The following CADPS variants were observed in gnomAD, a reference collection of about 807,000 sequenced individuals.
The protein encoded by CADPS is calcium dependent secretion activator.
In CADPS, 57 loss-of-function variants were observed where a neutral mutation model predicts 167.3. The observed-to-expected ratio is 0.34, with a 90% CI of 0.28 to 0.42. The LOEUF (loss-of-function observed/expected upper bound fraction) is 0.42, where lower values mean the gene tolerates loss of function less well. Among genes scored for constraint, CADPS ranks in the 20% least tolerant of loss-of-function variants. The pLI is 1.00. For synonymous variants in CADPS, 676 were observed against 635.3 expected (o/e 1.06, Z -0.96); for missense variants, 1,414 against 1,738.1 (o/e 0.81, Z 3.32).
rs529175109 is a variant in CADPS at position 62,775,140 on chromosome 3, C to G, written c.442-9156G>C. ...GCAACCTCTGCCTCCCAGGTTCAAG[C>G]GATTCTCATACTTTAGCCTCCCAAG... On this transcript the variant is annotated intron_variant, in intron 1 of 29. Coordinates refer to ENST00000383710, the MANE Select transcript of CADPS (RefSeq NM_003716.4). 3.3e-5 allele frequency among the ~76,000 whole-genome samples: 5 copies of G among 152,006 alleles called. No individual in the cohort carries two copies. In the East Asian group the frequency reaches 9.7e-4, roughly 29 times the overall value.
chr3:62,424,538 T>C (rs917181036), intron 28 of CADPS, among the ~76,000 whole-genome samples: 6 of 152,140 alleles, frequency 3.9e-5, no homozygotes, highest in African/African-American at 1.2e-4. Flanking sequence ...TGGGGTTAAG[T>C]AGTGTGAAGC....
chr3:62,630,300 A>T (rs561728874), intron 6 of CADPS, among the ~76,000 whole-genome samples: 1 of 152,172 alleles, frequency 6.6e-6, no homozygotes, highest in African/African-American at 2.4e-5. Context: ...GGTTGAATTG[A>T]TAATATATTT....
At chr3:62,806,388 C>T (rs968906686) in intron 1 of CADPS, among the ~76,000 whole-genome samples, 3 of 147,620 alleles carry the variant, frequency 2.0e-5, no homozygotes, top group African/African-American at 7.5e-5. Flanking sequence ...AAAAATTAGC[C>T]GGGTGTGGTG....
chr3:62,510,523 T>C (rs776570440), intron 17 of CADPS, among the ~76,000 whole-genome samples: 1 of 152,186 alleles, frequency 6.6e-6, no homozygotes, highest in Non-Finnish European at 1.5e-5. Context: ...AGCTTTTCTT[T>C]CATAGACTAG....
chr3:62,575,671 A>G lies in CADPS; in HGVS notation c.1578-4733T>C, dbSNP rs145959344. ...GACACAGCCAGAAATTAAACTCAAA[A>G]CAGCCTAACTCTAAAGCACCCTCTT... On this transcript the variant is annotated intron_variant, in intron 8 of 29. Coordinates refer to ENST00000383710, the MANE Select transcript of CADPS (RefSeq NM_003716.4). Among the ~76,000 whole-genome samples the G allele has an allele frequency of 7.2e-5, 11 of 152,276 alleles. No homozygotes were observed. The East Asian group carries it at 2.1e-3, about 29-fold the overall frequency.
rs9881464 is a variant in CADPS, at chr3:62,601,824, A to G, written c.1326-9076T>C. ...TTCTCCAAACCTGTTCCACAGTACCACCACTTTGAAAGTGAACACTTTGAT... is the reference window on the plus strand; with the variant it reads ...TTCTCCAAACCTGTTCCACAGTACCGCCACTTTGAAAGTGAACACTTTGAT... On this transcript the variant is annotated intron_variant, in intron 6 of 29. Transcript: ENST00000383710. The surrounding 1 kb of genome is among the most constrained non-coding windows in gnomAD (Gnocchi z 4.3). 0.088 allele frequency among the ~76,000 whole-genome samples: 13,355 copies of G among 152,172 alleles called. 1,916 individuals are homozygous for G. Among genetic ancestry groups the G allele is most frequent in the African/African-American group, 0.3 (12,551 of 41,460 alleles).
intron 26 of CADPS, among the ~76,000 whole-genome samples, chr3:62,448,461 A>C (rs1292605713): frequency 2.0e-5 from 3 of 152,130 alleles, no homozygotes; most frequent in Non-Finnish European, 4.4e-5. Flanking sequence ...TCGGTTTGTT[A>C]GGATTGTTCT....
intron 8 of CADPS, among the ~76,000 whole-genome samples, chr3:62,575,061 T>G (rs2082017466): frequency 6.6e-6 from 1 of 152,192 alleles, no homozygotes; most frequent in South Asian, 2.1e-4. Context: ...CTCACACTTT[T>G]CTGGAATTAT....
chr3:62,519,024 G>A (rs1444564823), intron 13 of CADPS, among the ~76,000 whole-genome samples: 1 of 151,874 alleles, frequency 6.6e-6, no homozygotes, highest in Non-Finnish European at 1.5e-5. Flanking sequence ...TCATCTTTAG[G>A]TGCATACATA....
At chr3:62,846,382 G>T (rs1474982561) in intron 1 of CADPS, among the ~76,000 whole-genome samples, 1 of 152,126 alleles carries the variant, frequency 6.6e-6, no homozygotes, top group Non-Finnish European at 1.5e-5. Context: ...CTCTTTTTAT[G>T]ATGTCACTGA....
chr3:62,732,078 T>C (rs968345706), intron 3 of CADPS, among the ~76,000 whole-genome samples: 1 of 152,100 alleles, frequency 6.6e-6, no homozygotes, highest in African/African-American at 2.4e-5. Flanking sequence ...AACTTCCTCA[T>C]AGTCTTGTGA....
At chr3:62,748,702 T>C (rs2082069391) in intron 3 of CADPS, among the ~76,000 whole-genome samples, 1 of 152,176 alleles carries the variant, frequency 6.6e-6, no homozygotes, top group African/African-American at 2.4e-5. Context: ...TATTCTCAAA[T>C]TATCTCACTT....
At chr3:62,724,480 CCTA>C (rs2076383488) in intron 3 of CADPS, among the ~76,000 whole-genome samples, 1 of 152,102 alleles carries the variant, frequency 6.6e-6, no homozygotes, top group South Asian at 2.1e-4. Context: ...TAAAAAAATT[CCTA>C]CTATTTACTA....
chr3:62,406,007 G>C (rs1177031357), intron 28 of CADPS, among the ~76,000 whole-genome samples: 1 of 152,104 alleles, frequency 6.6e-6, no homozygotes, highest in African/African-American at 2.4e-5. Flanking sequence ...GAGGTGAAGT[G>C]ACTTGCCAAT....
chr3:62,851,522 CT>C (rs2078586450), intron 1 of CADPS, among the ~76,000 whole-genome samples: 1 of 147,856 alleles, frequency 6.8e-6, no homozygotes, highest in East Asian at 2.0e-4. Flanking sequence ...TTTATTTCTC[CT>C]TCACTTATGA....
At chr3:62,693,434 A>T (rs556284722) in intron 3 of CADPS, among the ~76,000 whole-genome samples, 1 of 152,166 alleles carries the variant, frequency 6.6e-6, no homozygotes, top group South Asian at 2.1e-4. Flanking sequence ...CAGGTTCTCG[A>T]TACATATTTG....
chr3:62,683,127 G>A (rs2151077236), intron 3 of CADPS, among the ~76,000 whole-genome samples: 1 of 152,140 alleles, frequency 6.6e-6, no homozygotes, highest in South Asian at 2.1e-4. Flanking sequence ...GCCAAGTTGT[G>A]TGTGGGGTCT....
intron 2 of CADPS, among the ~76,000 whole-genome samples, chr3:62,759,349 G>A (rs1418103674): frequency 6.6e-6 from 1 of 152,104 alleles, no homozygotes; most frequent in African/African-American, 2.4e-5. Flanking sequence ...ATACAAGTTA[G>A]CTGTTATTTT....
intron 1 of CADPS, among the ~76,000 whole-genome samples, chr3:62,817,757 G>T (rs2152913196): frequency 6.6e-6 from 1 of 152,310 alleles, no homozygotes; most frequent in South Asian, 2.1e-4. Flanking sequence ...AACATTTTGG[G>T]TCAGGGAGGT....
Sources: allele counts gnomAD v4.1 joint callset (sites outside exome capture counted in the v4.1 genomes callset), GRCh38; gene constraint gnomAD v4.1.1; non-coding constraint Gnocchi (gnomAD v3.1); transcripts MANE v1.5; gene names NCBI Gene and HGNC (gene_info 2026-07-23, HGNC 2026-07-21).